Variants in LRRFIP1 observed in about 807,000 individuals in gnomAD.
LRRFIP1 encodes the protein leucine-rich repeat flightless-interacting protein 1.
LRRFIP1 carries 62 observed loss-of-function variants against 104.4 expected under a neutral mutation model. That is an observed-to-expected ratio of 0.59 (90% confidence interval 0.48 to 0.73). The LOEUF is 0.73. Among genes scored for constraint, LRRFIP1 ranks in the 30% least tolerant of loss-of-function variants. LRRFIP1 has a pLI of 0.00. For synonymous variants in LRRFIP1, 300 were observed against 299.0 expected, an observed-to-expected ratio of 1.00 and a Z score of -0.03; for missense variants, 796 against 824.5, an observed-to-expected ratio of 0.97 and a Z score of 0.42.
At chr2:237,648,771 G>T (rs2085406509) in intron 1 of LRRFIP1, among the ~76,000 whole-genome samples, 1 of 150,670 alleles carries the variant, frequency 6.6e-6, no homozygotes, top group Admixed American at 6.6e-5. Flanking sequence ...GCGTGACTGT[G>T]TGGCAAGGAT....
rs909485542 is a variant in LRRFIP1, at chr2:237,717,294, C to A, written c.202-468C>A. Among the ~76,000 whole-genome samples, 1 of 152,246 alleles carries A rather than the reference C, an allele frequency of 6.6e-6. No homozygotes were observed. Among genetic ancestry groups the A allele is most frequent in the Admixed American group, 6.5e-5 (1 of 15,284 alleles). ...ATAGACATCAGGCAGCTAGAACAAG[C>A]GTCAGCACGCAGTTTCTCCCCTTCT... On this transcript the variant is annotated intron_variant, in intron 3 of 23. Transcript: ENST00000308482. The surrounding 1 kb of genome is among the most constrained non-coding windows in gnomAD (Gnocchi z 4.2).
intron 7 of LRRFIP1, among the ~76,000 whole-genome samples, chr2:237,727,041 C>T (rs761560960): frequency 1.3e-5 from 2 of 152,150 alleles, no homozygotes; most frequent in Non-Finnish European, 1.5e-5. Flanking sequence ...TGAACTTTTG[C>T]GTTTAACTAT....
intron 1 of LRRFIP1, among the ~76,000 whole-genome samples, chr2:237,700,376 G>A (rs1293633349): frequency 1.3e-5 from 2 of 152,092 alleles, no homozygotes; most frequent in East Asian, 1.9e-4. Flanking sequence ...TTCAGGCTTC[G>A]GCTGCATCAT....
chr2:237,744,878 C>T (rs2057606421), intron 11 of LRRFIP1, among the ~76,000 whole-genome samples: 1 of 152,394 alleles, frequency 6.6e-6, no homozygotes, highest in African/African-American at 2.4e-5. Flanking sequence ...CCGTCCTGGG[C>T]TAAGGTGGGT....
intron 1 of LRRFIP1, among the ~76,000 whole-genome samples, chr2:237,640,436 A>T (rs946682441): frequency 2.6e-5 from 4 of 152,054 alleles, no homozygotes; most frequent in African/African-American, 9.7e-5. Flanking sequence ...CTGCATCTTC[A>T]GATTACTCAA....
At chr2:237,740,221 C>T (rs1203569466) in intron 11 of LRRFIP1, among the ~76,000 whole-genome samples, 2 of 147,228 alleles carry the variant, frequency 1.4e-5, no homozygotes, top group Admixed American at 6.8e-5. Context: ...GTTTGGCCAA[C>T]ATAGCAAGAC....
chr2:237,640,951 T>G (rs564615350), intron 1 of LRRFIP1, among the ~76,000 whole-genome samples: 1 of 152,202 alleles, frequency 6.6e-6, no homozygotes, highest in Non-Finnish European at 1.5e-5. Context: ...CCATTAACCA[T>G]GTGAATGTTC....
intron 2 of LRRFIP1, among the ~76,000 whole-genome samples, chr2:237,713,187 A>G (rs2094182912): frequency 6.6e-6 from 1 of 152,030 alleles, no homozygotes; most frequent in Non-Finnish European, 1.5e-5. Flanking sequence ...TGTCGGGGGC[A>G]GCCCTGTCCC....
At position 237,733,796 on chromosome 2, in the gene LRRFIP1, C is replaced by T; in HGVS notation, c.467C>T (p.Ala156Val). The change falls in exon 9 of 24, where the codon GCC (alanine) becomes GTC (valine). Residue 156 changes from alanine to valine, a missense_variant. Ala to Val is a moderately conservative substitution (Grantham distance 64). Coordinates refer to ENST00000308482, the MANE Select transcript of LRRFIP1 (RefSeq NM_001137550.2). ...CAGCCCTCCTGTCTGTACAGCGCTG[C>T]CCGGCCTTCGGGGAGTTACCGGGTG... ...SGRPSCLYSA[A>V]RPSGSYRASV... 2 of 1,614,020 alleles carry T rather than the reference C, an allele frequency of 1.2e-6. No homozygotes were observed. The highest frequency in any genetic ancestry group is 1.7e-6 in the Non-Finnish European group (2 of 1,179,888).
intron 8 of LRRFIP1, among the ~76,000 whole-genome samples, chr2:237,731,253 G>C (rs921722707): frequency 6.6e-6 from 1 of 152,072 alleles, no homozygotes; most frequent in African/African-American, 2.4e-5. Flanking sequence ...ACCCTTCCCC[G>C]CCCTGTCCCC....
At position 237,658,501 on chromosome 2, in the gene LRRFIP1, G is replaced by A. The variant is rs145938855; in HGVS notation, c.96+30761G>A. On this transcript the variant is annotated intron_variant, in intron 1 of 23. Transcript: ENST00000308482. ...AAATTTTTTCAAAAAGATTAGTAGG[G>A]GGCTGTGCATTAATCTGTTTTCATA... 4.5e-4 allele frequency among the ~76,000 whole-genome samples: 69 copies of A among 152,226 alleles called. No individual in the cohort carries two copies. In the East Asian group the frequency reaches 0.011, roughly 24 times the overall value.
intron 19 of LRRFIP1, among the ~76,000 whole-genome samples, chr2:237,761,990 A>T (rs549498429): frequency 6.6e-6 from 1 of 152,218 alleles, no homozygotes; most frequent in African/African-American, 2.4e-5. Context: ...GAGCAGAGGT[A>T]TCAGGGCATG....
At chr2:237,772,388 A>G (rs2060718247) in intron 21 of LRRFIP1, 190 bp downstream of exon 21, 1 of 545,428 alleles carries the variant, frequency 1.8e-6, no homozygotes, top group Non-Finnish European at 3.3e-6. Flanking sequence ...GAGCCTATGA[A>G]ATAGAACAGG....
chr2:237,698,601 C>G (rs957035037), intron 1 of LRRFIP1, among the ~76,000 whole-genome samples: 1 of 152,220 alleles, frequency 6.6e-6, no homozygotes, highest in East Asian at 1.9e-4. Context: ...TGAAGGTGGC[C>G]GTCTTACCGT....
At chr2:237,644,246 A>G (rs1477751375) in intron 1 of LRRFIP1, among the ~76,000 whole-genome samples, 2 of 152,262 alleles carry the variant, frequency 1.3e-5, no homozygotes, top group Non-Finnish European at 2.9e-5. Context: ...AAAGGCAATC[A>G]TTGTGTCCAG....
At chr2:237,633,062 G>A (rs1309646874) in intron 1 of LRRFIP1, among the ~76,000 whole-genome samples, 2 of 152,204 alleles carry the variant, frequency 1.3e-5, no homozygotes, top group Non-Finnish European at 2.9e-5. Flanking sequence ...TTCCACAGGA[G>A]TTGGGAGAGG....
intron 11 of LRRFIP1, among the ~76,000 whole-genome samples, chr2:237,742,698 A>T (rs1243850041): frequency 6.6e-6 from 1 of 152,208 alleles, no homozygotes; most frequent in Non-Finnish European, 1.5e-5. Context: ...AGAAAGTGCT[A>T]GTGGTTGTGT....
At chr2:237,683,211 C>T (rs1032714548) in intron 1 of LRRFIP1, among the ~76,000 whole-genome samples, 2 of 152,150 alleles carry the variant, frequency 1.3e-5, no homozygotes, top group African/African-American at 2.4e-5. Context: ...AGACAAGGGG[C>T]GAGGGCTTCA....
chr2:237,668,975 T>C (rs771125973), intron 1 of LRRFIP1, among the ~76,000 whole-genome samples: 18 of 152,216 alleles, frequency 1.2e-4, no homozygotes, highest in Non-Finnish European at 2.9e-5. Flanking sequence ...CTCAATTATG[T>C]GTCTCTAAAT....
Sources: gnomAD v4.1 joint callset for allele counts (sites outside exome capture counted in the v4.1 genomes callset) on GRCh38, gnomAD v4.1.1 for gene constraint, Gnocchi (gnomAD v3.1) non-coding constraint, MANE v1.5 for transcripts, NCBI Gene and HGNC (gene_info 2026-07-23, HGNC 2026-07-21) for gene names.